VPS13B: variants seen among roughly 807,000 people sequenced by gnomAD.
VPS13B encodes vacuolar protein sorting 13 homolog B, also known as intermembrane lipid transfer protein VPS13B.
Under a neutral mutation model 426.4 loss-of-function variants are expected in VPS13B, and 285 were observed. That is an observed-to-expected ratio of 0.67 (90% CI 0.61 to 0.74). The LOEUF is 0.74. Ranked by LOEUF, VPS13B falls within the 30% of genes least tolerant of loss-of-function variation. The pLI is 0.00. For missense variants in VPS13B, 4,537 were observed against 4,782.6 expected (o/e 0.95, Z 1.51); for synonymous variants, 1,676 against 1,676.4 (o/e 1.00, Z 0.01).
chr8:99,696,449 C>G (rs1832006591), intron 35 of VPS13B: 2 of 369,678 alleles, frequency 5.4e-6, no homozygotes, highest in East Asian at 6.4e-5. Flanking sequence ...AGGCAAAGCG[C>G]AGGCAGTTTC....
chr8:99,464,290 A>G (rs1046095021), intron 23 of VPS13B, among the ~76,000 whole-genome samples: 2 of 152,222 alleles, frequency 1.3e-5, no homozygotes, highest in East Asian at 1.9e-4. Context: ...TGAGGAAAGT[A>G]TCTCCAATAT....
At chr8:99,767,039 A>T in intron 40 of VPS13B, 69 bp downstream of exon 40, 1 of 1,479,348 alleles carries the variant, frequency 6.8e-7, no homozygotes, top group African/African-American at 1.4e-5. Flanking sequence ...TTTCCTATCT[A>T]GTGACCCCTC....
Position 99,431,646 on chromosome 8 carries a change from G to A in VPS13B, c.3192G>A (p.Val1064=). The A allele has an allele frequency of 6.2e-7, 1 of 1,613,186 alleles. No individual in the cohort carries two copies. The highest frequency in any genetic ancestry group is 8.5e-7 in the Non-Finnish European group (1 of 1,179,624). The change falls in exon 22 of 62, where the codon GTG becomes GTA. Residue 1064 remains valine, a synonymous_variant. Coordinates refer to ENST00000357162, the MANE Select transcript of VPS13B (RefSeq NM_152564.5). ...KEFIGIVWNA[V]KHLTLQLEVQ... ...TTATTGGAATTGTTTGGAATGCAGT[G>A]AAGCATCTCACACTACAGGTAAAAT... is the stretch of plus-strand genomic sequence containing the variant.
intron 24 of VPS13B, among the ~76,000 whole-genome samples, chr8:99,479,392 C>T (rs555400397): frequency 6.6e-6 from 1 of 152,238 alleles, no homozygotes; most frequent in South Asian, 2.1e-4. Context: ...TATTCAGACA[C>T]CTTCATACAG....
At chr8:99,727,133 T>C (rs1007530683) in intron 39 of VPS13B, among the ~76,000 whole-genome samples, 26 of 152,328 alleles carry the variant, frequency 1.7e-4, no homozygotes, top group African/African-American at 6.3e-4. Context: ...AATCACAAAA[T>C]TTATAAGTGA....
chr8:99,381,212 A>G (rs370904811), intron 19 of VPS13B, among the ~76,000 whole-genome samples: 1 of 152,186 alleles, frequency 6.6e-6, no homozygotes, highest in African/African-American at 2.4e-5. Flanking sequence ...AGCTTTATCC[A>G]TGTTCCTGCA....
At chr8:99,233,746 A>G (rs1433246967) in intron 17 of VPS13B, 2 of 780,348 alleles carry the variant, frequency 2.6e-6, no homozygotes, top group African/African-American at 3.4e-5. Flanking sequence ...TTTCATGTTC[A>G]TTTTTCTTCA....
At chr8:99,730,952 C>T (rs1037415517) in intron 39 of VPS13B, among the ~76,000 whole-genome samples, 4 of 151,898 alleles carry the variant, frequency 2.6e-5, no homozygotes, top group African/African-American at 7.3e-5. Context: ...GACAAGGCTT[C>T]ATGGAGGAGA....
At chr8:99,712,431 A>C (rs540428677) in intron 36 of VPS13B, among the ~76,000 whole-genome samples, 1 of 152,364 alleles carries the variant, frequency 6.6e-6, no homozygotes, top group East Asian at 1.9e-4. Flanking sequence ...GAGAATATCA[A>C]ACATAAAGTC....
intron 17 of VPS13B, among the ~76,000 whole-genome samples, chr8:99,222,339 G>C (rs1214305119): frequency 6.6e-6 from 1 of 152,068 alleles, no homozygotes; most frequent in Non-Finnish European, 1.5e-5. Context: ...AGTATCTTAG[G>C]CATCTTACTT....
chr8:99,438,908 T>C (rs570373725), intron 22 of VPS13B, among the ~76,000 whole-genome samples: 2 of 152,298 alleles, frequency 1.3e-5, no homozygotes, highest in African/African-American at 4.8e-5. Context: ...GCTAATAATA[T>C]ATGGGATCTC....
At chr8:99,689,486 G>C (rs1831557456) in intron 35 of VPS13B, among the ~76,000 whole-genome samples, 1 of 151,996 alleles carries the variant, frequency 6.6e-6, no homozygotes, top group Admixed American at 6.6e-5. Context: ...GGTCAAGAAG[G>C]GTGTGCTGGC....
chr8:99,540,038 TATATATATATATATATATATA>T (rs1823495465), intron 30 of VPS13B, among the ~76,000 whole-genome samples: 1 of 5,026 alleles, frequency 2.0e-4, no homozygotes, highest in Non-Finnish European at 4.3e-4. Context: ...TATATATATA[TATATATATATATATATATATA>T]TATATTTTTT....
At chr8:99,843,856 A>T (rs1490226102) in intron 54 of VPS13B, among the ~76,000 whole-genome samples, 3 of 152,230 alleles carry the variant, frequency 2.0e-5, no homozygotes, top group Non-Finnish European at 4.4e-5. Flanking sequence ...TATATAGGGC[A>T]GTGGTAATTT....
chr8:99,552,517 G>C (rs117714597), intron 30 of VPS13B, among the ~76,000 whole-genome samples: 1 of 151,404 alleles, frequency 6.6e-6, no homozygotes, highest in Non-Finnish European at 1.5e-5. Flanking sequence ...GCTCATGACT[G>C]CAAAATCTTG....
chr8:99,380,723 A>G (rs1813748897), intron 19 of VPS13B, among the ~76,000 whole-genome samples: 1 of 151,736 alleles, frequency 6.6e-6, no homozygotes, highest in African/African-American at 2.4e-5. Context: ...TCAGTTTCAT[A>G]GGGCTTGTTA....
intron 35 of VPS13B, chr8:99,697,180 A>G: frequency 1.8e-6 from 1 of 550,576 alleles, no homozygotes; most frequent in Admixed American, 2.7e-5. Context: ...GAGCAGGTGA[A>G]AGTGGCTGAG....
chr8:99,621,985 C>T (rs1828376765), intron 33 of VPS13B, among the ~76,000 whole-genome samples: 2 of 151,938 alleles, frequency 1.3e-5, no homozygotes, highest in Admixed American at 1.3e-4. Context: ...AGGCACTCAC[C>T]ACCACGCCGG....
At chr8:99,087,880 C>T (rs1315508778) in intron 3 of VPS13B, among the ~76,000 whole-genome samples, 1 of 151,932 alleles carries the variant, frequency 6.6e-6, no homozygotes, top group Non-Finnish European at 1.5e-5. Flanking sequence ...GAAATACCAC[C>T]TATCAAAAAT....
Sources: allele counts gnomAD v4.1 joint callset (sites outside exome capture counted in the v4.1 genomes callset), GRCh38; gene constraint gnomAD v4.1.1; transcripts MANE v1.5; gene names NCBI Gene and HGNC (gene_info 2026-07-23, HGNC 2026-07-21).